The following SLC8A1 variants were observed in gnomAD, a reference collection of about 807,000 sequenced individuals.
The protein encoded by SLC8A1 is sodium/calcium exchanger 1.
Under a neutral mutation model 68.3 loss-of-function variants are expected in SLC8A1, and 18 were observed. The observed-to-expected ratio is 0.26, with a 90% CI of 0.18 to 0.39. SLC8A1 has a LOEUF of 0.39. Among genes scored for constraint, SLC8A1 ranks in the 10% least tolerant of loss-of-function variants. SLC8A1 has a pLI of 1.00. For synonymous variants in SLC8A1, 475 were observed against 415.5 expected (o/e 1.14, Z -1.74); for missense variants, 985 against 1,156.7 (o/e 0.85, Z 2.15).
At chr2:40,428,416 C>T in intron 2 of SLC8A1, 57 bp downstream of exon 2, 1 of 1,396,658 alleles carries the variant, frequency 7.2e-7, no homozygotes, top group Non-Finnish European at 9.2e-7. Flanking sequence ...TTCATAAACA[C>T]ACTGAACCAC....
chr2:40,321,924 AC>A (rs2075249723), intron 2 of SLC8A1, among the ~76,000 whole-genome samples: 1 of 151,822 alleles, frequency 6.6e-6, no homozygotes, highest in East Asian at 1.9e-4. Context: ...CATTTATTAA[AC>A]CTCTACTGTC....
chr2:40,349,486 C>T (rs549859908), intron 2 of SLC8A1, among the ~76,000 whole-genome samples: 4 of 152,270 alleles, frequency 2.6e-5, no homozygotes, highest in East Asian at 3.9e-4. Context: ...AATATGAATC[C>T]TGCTCCTTCC....
intron 7 of SLC8A1, among the ~76,000 whole-genome samples, chr2:40,127,094 C>A (rs891761352): frequency 2.6e-5 from 4 of 152,108 alleles, no homozygotes; most frequent in Non-Finnish European, 4.4e-5. Flanking sequence ...ATCAAGAATG[C>A]CACATTGCTT....
At chr2:40,472,983 A>G (rs1050315093) in intron 1 of SLC8A1, among the ~76,000 whole-genome samples, 1 of 149,362 alleles carries the variant, frequency 6.7e-6, no homozygotes, top group South Asian at 2.1e-4. Context: ...TAATACATAC[A>G]GGAGGCAGAT....
chr2:40,395,870 G>A (rs1391398892), intron 2 of SLC8A1, among the ~76,000 whole-genome samples: 3 of 151,254 alleles, frequency 2.0e-5, no homozygotes, highest in Non-Finnish European at 2.9e-5. Flanking sequence ...CAGATGAGGA[G>A]AAAGTCCATT....
In SLC8A1 at chr2:40,251,142, C is replaced by T. The variant is rs568337392; in HGVS notation, c.1809-73287G>A. 26 of 151,630 alleles carry T rather than the reference C, an allele frequency of 1.7e-4. No homozygotes were observed. The Middle Eastern group carries it at 0.017, about 100-fold the overall frequency. 9.4% of individuals were successfully genotyped at this position (151,630 alleles called of 1,614,324 possible). A position where few individuals can be genotyped will look rare whatever the true frequency, so the allele number is the denominator to read the frequency against. On this transcript the variant is annotated intron_variant, in intron 2 of 7. Transcript: ENST00000406785. Reference sequence around the variant, plus strand: ...GGGATATTGCGAAAATACTAAAATACTAAGGTGTGAAAATGATTCTCTTTT... The same window carrying T: ...GGGATATTGCGAAAATACTAAAATATTAAGGTGTGAAAATGATTCTCTTTT...
chr2:40,331,044 C>G (rs894795041), intron 2 of SLC8A1, among the ~76,000 whole-genome samples: 2 of 152,134 alleles, frequency 1.3e-5, no homozygotes, highest in East Asian at 3.9e-4. Flanking sequence ...CACGTAGATG[C>G]TAGGAGCATC....
At chr2:40,455,672 G>C (rs1237575838), upstream of SLC8A1, among the ~76,000 whole-genome samples, 2 of 152,228 alleles carry the variant, frequency 1.3e-5, no homozygotes, top group Non-Finnish European at 2.9e-5. Flanking sequence ...TTTCTTTGCT[G>C]ATGAGTAGAT....
At chr2:40,341,470 T>G (rs1193993119) in intron 2 of SLC8A1, among the ~76,000 whole-genome samples, 1 of 152,214 alleles carries the variant, frequency 6.6e-6, no homozygotes, top group African/African-American at 2.4e-5. Flanking sequence ...TCTTTGCAGG[T>G]TACTCTATAA....
chr2:40,193,401 G>T (rs1478752433), intron 2 of SLC8A1, among the ~76,000 whole-genome samples: 1 of 152,098 alleles, frequency 6.6e-6, no homozygotes, highest in Admixed American at 6.6e-5. Flanking sequence ...TTAGAGAAGG[G>T]ATAGGCATGT....
intron 2 of SLC8A1, among the ~76,000 whole-genome samples, chr2:40,397,114 T>C (rs1440597409): frequency 1.3e-5 from 2 of 152,148 alleles, no homozygotes; most frequent in Non-Finnish European, 1.5e-5. Context: ...TGAAGTATTG[T>C]TGTAGGGATT....
intron 4 of SLC8A1, 28 bp downstream of exon 7, chr2:40,170,253 T>C (rs2047233622): frequency 3.1e-6 from 5 of 1,604,052 alleles, no homozygotes; most frequent in Non-Finnish European, 4.3e-6. Flanking sequence ...GAGGCTGTGG[T>C]TTTCAAGGAT....
intron 1 of SLC8A1, among the ~76,000 whole-genome samples, chr2:40,436,959 G>A (rs1172721140): frequency 6.6e-6 from 1 of 152,148 alleles, no homozygotes; most frequent in African/African-American, 2.4e-5. Context: ...TGGCAATAAT[G>A]ACTGAAATCA....
intron 2 of SLC8A1, among the ~76,000 whole-genome samples, chr2:40,368,655 G>T (rs1026466354): frequency 6.6e-6 from 1 of 151,994 alleles, no homozygotes; most frequent in Non-Finnish European, 1.5e-5. Flanking sequence ...GTAAACTTGT[G>T]TCATGGGGGT....
intron 1 of SLC8A1, among the ~76,000 whole-genome samples, chr2:40,480,067 G>A (rs1253823619): frequency 6.6e-6 from 1 of 152,054 alleles, no homozygotes; most frequent in South Asian, 2.1e-4. Flanking sequence ...TGGAAACAGT[G>A]CACGTTTATT....
intron 2 of SLC8A1, among the ~76,000 whole-genome samples, chr2:40,333,424 C>G (rs1157724933): frequency 1.7e-5 from 2 of 117,808 alleles, no homozygotes. Flanking sequence ...GGCAAGAGAG[C>G]GAGACTCCGT....
At chr2:40,173,404 C>A (rs1167560954) in intron 4 of SLC8A1, among the ~76,000 whole-genome samples, 3 of 152,166 alleles carry the variant, frequency 2.0e-5, no homozygotes, top group Admixed American at 2.0e-4. Flanking sequence ...AGAAATCCAA[C>A]ACAAAGACTT....
At chr2:40,469,919 A>G (rs575916586) in intron 1 of SLC8A1, among the ~76,000 whole-genome samples, 1 of 152,268 alleles carries the variant, frequency 6.6e-6, no homozygotes, top group Non-Finnish European at 1.5e-5. Flanking sequence ...ATTGCTAATT[A>G]TTGCCTAATC....
chr2:40,359,363 A>G (rs962624315), intron 2 of SLC8A1, among the ~76,000 whole-genome samples: 1 of 152,202 alleles, frequency 6.6e-6, no homozygotes, highest in African/African-American at 2.4e-5. Flanking sequence ...GTAAAGGTAC[A>G]TACATGACTC....
Sources: gnomAD v4.1 joint callset for allele counts (sites outside exome capture counted in the v4.1 genomes callset) on GRCh38, gnomAD v4.1.1 for gene constraint, MANE v1.5 for transcripts, NCBI Gene and HGNC (gene_info 2026-07-23, HGNC 2026-07-21) for gene names.